Variants in ZNF626 observed in about 807,000 individuals in gnomAD.
ZNF626 encodes CTC-513N18.7.
Under a neutral mutation model 11.7 loss-of-function variants are expected in ZNF626, and 4 were observed. The observed-to-expected ratio is 0.34, with a 90% CI of 0.17 to 0.78. The LOEUF (loss-of-function observed/expected upper bound fraction) is 0.78, where lower values mean the gene tolerates loss of function less well. ZNF626 is among the 30% of genes least tolerant of loss of function. The probability of loss-of-function intolerance (pLI) is 0.57; values close to 1 mark genes in which losing one functional copy is unlikely to be tolerated. For synonymous variants in ZNF626, 179 were observed against 198.6 expected, an observed-to-expected ratio of 0.90 and a Z score of 0.83; for missense variants, 588 against 587.1, an observed-to-expected ratio of 1.00 and a Z score of -0.01.
Position 20,646,350 on chromosome 19 carries a change from C to A in ZNF626, c.59G>T (p.Cys20Phe), listed in dbSNP as rs782313065. 1 of 1,613,974 alleles carries A rather than the reference C, an allele frequency of 6.2e-7. No homozygotes were observed. Among genetic ancestry groups the A allele is most frequent in the African/African-American group, 1.3e-5 (1 of 74,904 alleles). Residue 20 changes from cysteine (C) to phenylalanine (F), a missense_variant, in exon 2 of 4, where the codon TGC (cysteine) becomes TTC (phenylalanine). Physicochemically the swap from Cys to Phe is radical, Grantham distance 205. This residue lies in a region of ZNF626 where 524 missense variants were observed against 470.1 expected (regional missense o/e 1.11). Transcript: ENST00000601440. ...AIEFSLEEWH[C>F]LDTAQRNLYR... ...TAAATTCCGCTGTGCAGTGTCCAGG[C>A]AATGCCACTCCTCCAGAGAGAATTC...
At chr19:20,645,277 TC>T in intron 3 of ZNF626, 1 of 1,490,304 alleles carries the variant, frequency 6.7e-7, no homozygotes, top group Non-Finnish European at 8.9e-7. Flanking sequence ...AAACTATTAC[TC>T]TCAGACATTT....
chr19:20,643,171 TA>T (rs1230360936), intron 3 of ZNF626, among the ~76,000 whole-genome samples: 5 of 152,168 alleles, frequency 3.3e-5, no homozygotes, highest in Admixed American at 1.3e-4. Flanking sequence ...AGAAACTTAA[TA>T]AATTAGCATT....
At chr19:20,638,201 TC>T (rs1413869704) in intron 3 of ZNF626, among the ~76,000 whole-genome samples, 1 of 151,974 alleles carries the variant, frequency 6.6e-6, no homozygotes, top group African/African-American at 2.4e-5. Flanking sequence ...AATGGGCAGA[TC>T]ATCTGAAGTC....
chr19:20,655,766 CA>C (rs1282932084), intron 1 of ZNF626, among the ~76,000 whole-genome samples: 1 of 151,122 alleles, frequency 6.6e-6, no homozygotes, highest in African/African-American at 2.4e-5. Flanking sequence ...ACTAAAAATA[CA>C]AAAAAAAGAA....
chr19:20,626,383 A>G (rs1366920315), intron 3 of ZNF626, among the ~76,000 whole-genome samples: 1 of 152,222 alleles, frequency 6.6e-6, no homozygotes, highest in East Asian at 1.9e-4. Context: ...AAATTTTTAA[A>G]GCAACCATAA....
chr19:20,625,443 C>A lies in ZNF626; in HGVS notation c.434G>T (p.Cys145Phe). 6.2e-7 allele frequency: 1 copy of A among 1,614,050 alleles called. No homozygotes were observed. Among genetic ancestry groups the A allele is most frequent in the Non-Finnish European group, 8.5e-7 (1 of 1,179,984 alleles). The change falls in exon 4 of 4, where the codon TGT becomes TTT. Residue 145 changes from cysteine (C) to phenylalanine (F), a missense_variant. By Grantham distance (205) the Cys-to-Phe change is radical (BLOSUM62 -2). This residue lies in a region of ZNF626 where 524 missense variants were observed against 470.1 expected (regional missense o/e 1.11). Coordinates refer to ENST00000601440, the MANE Select transcript of ZNF626 (RefSeq NM_001076675.3). Reference protein sequence around the residue: ...QCLTTTPRKICQCDKYVKVLH... With the variant: ...QCLTTTPRKIFQCDKYVKVLH... ...GACTTTCACATATTTATCACATTGA[C>A]ATATTTTTCTTGGGGTAGTTGTCAA... is the stretch of plus-strand genomic sequence containing the variant.
At chr19:20,642,966 G>T (rs939082530) in intron 3 of ZNF626, among the ~76,000 whole-genome samples, 1 of 148,964 alleles carries the variant, frequency 6.7e-6, no homozygotes, top group African/African-American at 2.5e-5. Flanking sequence ...AGCCAAGATC[G>T]CACCACTGCA....
At chr19:20,626,630 C>T (rs986062762) in intron 3 of ZNF626, among the ~76,000 whole-genome samples, 4 of 151,490 alleles carry the variant, frequency 2.6e-5, no homozygotes, top group Non-Finnish European at 5.9e-5. Flanking sequence ...ACACACAACA[C>T]AAGAATTGCT....
intron 3 of ZNF626, among the ~76,000 whole-genome samples, chr19:20,633,843 C>G (rs1196588358): frequency 1.3e-5 from 2 of 152,156 alleles, no homozygotes; most frequent in Non-Finnish European, 2.9e-5. Context: ...ACCCAGTACC[C>G]CAGTTGGAAA....
chr19:20,655,013 G>A (rs1414027339), intron 1 of ZNF626, among the ~76,000 whole-genome samples: 1 of 151,862 alleles, frequency 6.6e-6, no homozygotes, highest in Non-Finnish European at 1.5e-5. Context: ...TCAGGGTACT[G>A]AGGTAGGAGA....
chr19:20,632,236 T>C (rs1265678967), intron 3 of ZNF626, among the ~76,000 whole-genome samples: 11 of 152,224 alleles, frequency 7.2e-5, no homozygotes, highest in African/African-American at 2.7e-4. Flanking sequence ...TTCCTTCATT[T>C]CAACTTTGGT....
intron 3 of ZNF626, among the ~76,000 whole-genome samples, chr19:20,639,328 G>C (rs1344174291): frequency 6.6e-6 from 1 of 152,126 alleles, no homozygotes; most frequent in African/African-American, 2.4e-5. Flanking sequence ...CCATATTATA[G>C]ACCAACTAGG....
At chr19:20,653,067 T>C (rs1239410466) in intron 1 of ZNF626, among the ~76,000 whole-genome samples, 2 of 152,216 alleles carry the variant, frequency 1.3e-5, no homozygotes, top group African/African-American at 2.4e-5. Flanking sequence ...AGATAAGAAA[T>C]AGGCAGAAAC....
chr19:20,645,273 T>C, intron 3 of ZNF626: 1 of 1,467,616 alleles, frequency 6.8e-7, no homozygotes, highest in Non-Finnish European at 9.0e-7. Flanking sequence ...ACAGAAACTA[T>C]TACTCTCAGA....
At chr19:20,638,182 G>A (rs1969986130) in intron 3 of ZNF626, among the ~76,000 whole-genome samples, 1 of 151,986 alleles carries the variant, frequency 6.6e-6, no homozygotes, top group Non-Finnish European at 1.5e-5. Flanking sequence ...CAGCACTTTG[G>A]GAGGCCGAAA....
At chr19:20,651,532 A>G (rs1405154525) in intron 1 of ZNF626, among the ~76,000 whole-genome samples, 3 of 152,148 alleles carry the variant, frequency 2.0e-5, no homozygotes, top group African/African-American at 7.2e-5. Context: ...GTACCAACCT[A>G]AGACACCTCT....
At chr19:20,642,468 T>C (rs1320372453) in intron 3 of ZNF626, among the ~76,000 whole-genome samples, 1 of 152,088 alleles carries the variant, frequency 6.6e-6, no homozygotes, top group Non-Finnish European at 1.5e-5. Flanking sequence ...GGTGGTGGCG[T>C]GCCTGTAGTC....
intron 1 of ZNF626, among the ~76,000 whole-genome samples, chr19:20,650,651 T>G (rs568706768): frequency 2.3e-4 from 35 of 152,288 alleles, no homozygotes; most frequent in African/African-American, 8.2e-4. Flanking sequence ...TCAACAGAAC[T>G]GGGTCAGGAA....
At chr19:20,627,317 A>T (rs1969848229) in intron 3 of ZNF626, among the ~76,000 whole-genome samples, 1 of 117,546 alleles carries the variant, frequency 8.5e-6, no homozygotes, top group Non-Finnish European at 1.7e-5. Flanking sequence ...ATGTAGGCAG[A>T]TGTAATGATG....
Sources: gnomAD v4.1 joint callset for allele counts (sites outside exome capture counted in the v4.1 genomes callset) on GRCh38, gnomAD v4.1.1 for gene constraint, gnomAD v4.1.1 regional missense constraint, MANE v1.5 for transcripts, NCBI Gene and HGNC (gene_info 2026-07-23, HGNC 2026-07-21) for gene names.